HDAC9: variants seen among roughly 807,000 people sequenced by gnomAD.
HDAC9 encodes the protein MEF-2 interacting transcription repressor (MITR) protein.
HDAC9 carries 41 observed loss-of-function variants against 139.4 expected under a neutral mutation model. The ratio of observed to expected loss-of-function variants is 0.29; its 90% CI spans 0.23 to 0.38. HDAC9 has a LOEUF of 0.38. Among genes scored for constraint, HDAC9 ranks in the 10% least tolerant of loss-of-function variants. The pLI is 1.00. For missense variants in HDAC9, 1,147 were observed against 1,297.0 expected (o/e 0.88, Z 1.78); for synonymous variants, 517 against 476.2 (o/e 1.09, Z -1.12).
chr7:18,922,824 C>T (rs565856140), intron 22 of HDAC9, among the ~76,000 whole-genome samples: 38 of 152,162 alleles, frequency 2.5e-4, no homozygotes, highest in African/African-American at 9.2e-4. Flanking sequence ...GGCTCTGTTG[C>T]TGATGCTTCC....
intron 2 of HDAC9, among the ~76,000 whole-genome samples, chr7:18,210,750 C>T (rs1791882963): frequency 6.6e-6 from 1 of 152,130 alleles, no homozygotes; most frequent in South Asian, 2.1e-4. Context: ...AGTAGCTTTT[C>T]ATGTTATAAA....
At chr7:18,101,690 G>A (rs1782871407) in intron 1 of HDAC9, among the ~76,000 whole-genome samples, 1 of 152,122 alleles carries the variant, frequency 6.6e-6, no homozygotes, top group South Asian at 2.1e-4. Flanking sequence ...AATCCATTTT[G>A]CACAGTTATA....
chr7:18,419,231 C>T (rs1585762161), intron 1 of HDAC9, among the ~76,000 whole-genome samples: 2 of 151,998 alleles, frequency 1.3e-5, no homozygotes, highest in African/African-American at 4.8e-5. Context: ...GAACATATGA[C>T]CAATGAGAAA....
chr7:18,345,330 G>C (rs967771665), intron 1 of HDAC9, among the ~76,000 whole-genome samples: 1 of 151,854 alleles, frequency 6.6e-6, no homozygotes, highest in Non-Finnish European at 1.5e-5. Context: ...TTGCTTTCAG[G>C]AATTTCTCCC....
intron 1 of HDAC9, among the ~76,000 whole-genome samples, chr7:18,469,724 G>A (rs1794582305): frequency 6.6e-6 from 1 of 152,114 alleles, no homozygotes; most frequent in Non-Finnish European, 1.5e-5. Flanking sequence ...CCTAGTTATT[G>A]TGAAAATAAA....
intron 2 of HDAC9, among the ~76,000 whole-genome samples, chr7:18,167,331 T>A (rs1788078130): frequency 6.6e-6 from 1 of 152,222 alleles, no homozygotes; most frequent in African/African-American, 2.4e-5. Context: ...CTCTAGTTTT[T>A]GAAGGACAGT....
intron 1 of HDAC9, among the ~76,000 whole-genome samples, chr7:18,341,081 A>G (rs1468654266): frequency 6.6e-6 from 1 of 151,106 alleles, no homozygotes; most frequent in African/African-American, 2.4e-5. Context: ...AATATCTGCC[A>G]TCCTTATCTT....
chr7:18,453,510 T>G (rs1793070697), intron 1 of HDAC9, among the ~76,000 whole-genome samples: 1 of 152,188 alleles, frequency 6.6e-6, no homozygotes, highest in African/African-American at 2.4e-5. Context: ...AGAAAGAGGC[T>G]GAGGTTTGTC....
intron 2 of HDAC9, among the ~76,000 whole-genome samples, chr7:18,582,979 A>G (rs1205369800): frequency 6.6e-6 from 1 of 152,104 alleles, no homozygotes; most frequent in Non-Finnish European, 1.5e-5. Flanking sequence ...ATGATGCTCT[A>G]TTTTGATTCA....
At chr7:18,656,865 G>C (rs890057519) in intron 11 of HDAC9, among the ~76,000 whole-genome samples, 1 of 152,118 alleles carries the variant, frequency 6.6e-6, no homozygotes, top group African/African-American at 2.4e-5. Flanking sequence ...CCTCCAGACT[G>C]TTCTCCATAG....
chr7:18,187,641 CT>C (rs1322261941), intron 2 of HDAC9, among the ~76,000 whole-genome samples: 2 of 152,176 alleles, frequency 1.3e-5, no homozygotes, highest in Non-Finnish European at 1.5e-5. Context: ...CTTGCTGCTA[CT>C]ATTCTACTAG....
intron 1 of HDAC9, among the ~76,000 whole-genome samples, chr7:18,294,409 T>A (rs1433195559): frequency 6.6e-6 from 1 of 152,120 alleles, no homozygotes; most frequent in Admixed American, 6.6e-5. Flanking sequence ...GTTAAGTATT[T>A]ATATAGCGTA....
intron 11 of HDAC9, among the ~76,000 whole-genome samples, chr7:18,660,708 G>A (rs915675166): frequency 6.6e-6 from 1 of 152,118 alleles, no homozygotes; most frequent in Non-Finnish European, 1.5e-5. Flanking sequence ...GAGCCAGTCA[G>A]GCATGTAAAG....
chr7:18,201,019 G>C (rs1178317), intron 2 of HDAC9, among the ~76,000 whole-genome samples: 7,087 of 152,122 alleles, frequency 0.047, 242 homozygotes, highest in African/African-American at 0.089. Flanking sequence ...AAATGGTTTG[G>C]TACAGCCTCC....
chr7:18,347,763 A>G (rs1782534765), intron 1 of HDAC9, among the ~76,000 whole-genome samples: 1 of 151,596 alleles, frequency 6.6e-6, no homozygotes, highest in East Asian at 1.9e-4. Flanking sequence ...ACGCCCGGCT[A>G]ATTTTTTGTA....
chr7:18,753,866 C>T (rs1038346549), intron 14 of HDAC9, among the ~76,000 whole-genome samples: 1 of 152,040 alleles, frequency 6.6e-6, no homozygotes, highest in Admixed American at 6.6e-5. Context: ...GGATCTCTTA[C>T]AGCTGTAATA....
intron 1 of HDAC9, among the ~76,000 whole-genome samples, chr7:18,114,948 A>G (rs1016648138): frequency 2.0e-5 from 3 of 152,120 alleles, no homozygotes; most frequent in Admixed American, 2.0e-4. Context: ...TTGTTCATAC[A>G]CTCCCAGGGA....
chr7:18,156,204 G>A (rs1232576497), intron 1 of HDAC9, among the ~76,000 whole-genome samples: 2 of 152,090 alleles, frequency 1.3e-5, no homozygotes, highest in Admixed American at 6.6e-5. Flanking sequence ...ATGTCCTTGG[G>A]GAAAAAAAGC....
intron 1 of HDAC9, among the ~76,000 whole-genome samples, chr7:18,369,227 G>C (rs1784410904): frequency 6.6e-6 from 1 of 151,942 alleles, no homozygotes; most frequent in Non-Finnish European, 1.5e-5. Flanking sequence ...ATTTGAGTCT[G>C]TTTTGTCTCA....
Sources: allele counts gnomAD v4.1 joint callset (sites outside exome capture counted in the v4.1 genomes callset), GRCh38; gene constraint gnomAD v4.1.1; transcripts MANE v1.5; gene names NCBI Gene and HGNC (gene_info 2026-07-23, HGNC 2026-07-21).